Variants in KLF3 observed in about 807,000 individuals in gnomAD.
The protein encoded by KLF3 is KLF transcription factor 3, also known as Krueppel-like factor 3.
In KLF3, 6 loss-of-function variants were observed where a neutral mutation model predicts 32.7. The observed-to-expected ratio is 0.18, with a 90% CI of 0.10 to 0.36. The LOEUF is 0.36. Among genes scored for constraint, KLF3 ranks in the 10% least tolerant of loss-of-function variants. KLF3 has a pLI of 1.00. For missense variants in KLF3, 338 were observed against 449.7 expected (o/e 0.75, Z 2.25); for synonymous variants, 145 against 172.8 (o/e 0.84, Z 1.26).
Position 38,698,246 on chromosome 4 carries a change from C to G in KLF3, c.*983C>G. 6.6e-6 allele frequency: 1 copy of G among 152,436 alleles called. No individual in the cohort carries two copies. The highest frequency in any genetic ancestry group is 1.9e-4 in the East Asian group (1 of 5,196). 9.4% of individuals were successfully genotyped at this position (152,436 alleles called of 1,614,324 possible). ...TATTTGCCCAGTAATGGTAAGAAAT[C>G]TTTCGGGTAAGAGTATGGATGGTTC... On this transcript the variant is annotated 3_prime_UTR_variant, in exon 6 of 6. Coordinates refer to ENST00000261438, the MANE Select transcript of KLF3 (RefSeq NM_016531.6).
At position 38,700,443 on chromosome 4, in the gene KLF3, T is replaced by C. The variant is rs906649371; in HGVS notation, c.*3180T>C. The C allele has an allele frequency of 6.6e-6, 1 of 152,234 alleles. No individual in the cohort carries two copies. The allele number at this position is 152,234 out of a possible 1,614,324, so 9.4% of individuals were successfully genotyped here. On this transcript the variant is annotated 3_prime_UTR_variant, in exon 6 of 6. Coordinates refer to ENST00000261438, the MANE Select transcript of KLF3 (RefSeq NM_016531.6). ...TTGGTTTGAAAATATACAGTTGTCT[T>C]GAAGGAATTGCTGTCATACATGAAG... is the stretch of plus-strand genomic sequence containing the variant.
chr4:38,665,766 A>T (rs1722014911), intron 1 of KLF3, among the ~76,000 whole-genome samples: 1 of 152,242 alleles, frequency 6.6e-6, no homozygotes, highest in Non-Finnish European at 1.5e-5. Flanking sequence ...GTTGTTCATT[A>T]TAGGTTTTTC....
Position 38,674,805 on chromosome 4 carries a change from A to G in KLF3, c.-39-5782A>G, listed in dbSNP as rs1282867321. ...AAACAGGAAACTGCTCCTGATACGT[A>G]CACATTCTCTCTCCACCTTCCTCCT... On this transcript the variant is annotated intron_variant, in intron 1 of 5. Transcript: ENST00000261438. This position sits in a 1 kb window ranked among gnomAD's most constrained non-coding sequence, Gnocchi z 4.1. Among the ~76,000 whole-genome samples, 7 of 152,178 alleles carry G rather than the reference A, an allele frequency of 4.6e-5. No homozygotes were observed. Among genetic ancestry groups the G allele is most frequent in the Admixed American group, 4.6e-4 (7 of 15,280 alleles).
chr4:38,686,728 A>G (rs934509650), intron 2 of KLF3, among the ~76,000 whole-genome samples: 2 of 152,168 alleles, frequency 1.3e-5, no homozygotes, highest in Non-Finnish European at 2.9e-5. Context: ...CCAGGATGGC[A>G]TGTGTATAAG....
intron 1 of KLF3, among the ~76,000 whole-genome samples, chr4:38,670,628 G>A (rs867688791): frequency 2.6e-5 from 4 of 152,232 alleles, no homozygotes; most frequent in Middle Eastern, 3.4e-3. Flanking sequence ...TTGTAAGATC[G>A]AGTTCCTGTT....
Position 38,701,341 on chromosome 4 carries a change from G to T in KLF3, c.*4078G>T, listed in dbSNP as rs988237798. On this transcript the variant is annotated 3_prime_UTR_variant, in exon 6 of 6. Coordinates refer to ENST00000261438, the MANE Select transcript of KLF3 (RefSeq NM_016531.6). ...CATTCTTGAAATACTTCTTGTATTT[G>T]TTATTTATGAACCCCTGCCTGCTTC... Among the ~76,000 whole-genome samples the T allele has an allele frequency of 6.6e-5, 10 of 151,818 alleles. No homozygotes were observed. Among genetic ancestry groups the T allele is most frequent in the African/African-American group, 2.4e-4 (10 of 41,390 alleles).
Position 38,697,496 on chromosome 4 carries a change from T to G in KLF3, c.*233T>G. The G allele has an allele frequency of 2.5e-6, 1 of 406,464 alleles. No individual in the cohort carries two copies. Among genetic ancestry groups the G allele is most frequent in the Non-Finnish European group, 4.4e-6 (1 of 228,800 alleles). The allele number at this position is 406,464 out of a possible 1,614,324, so 25.2% of individuals were successfully genotyped here. On this transcript the variant is annotated 3_prime_UTR_variant, in exon 6 of 6. Transcript: ENST00000261438. The stretch of plus-strand genomic sequence containing the variant: ...AGAATGTGAACACTTTTTTTTTTTT[T>G]TCTGGGGATGCTAAGCAAACCCTTC...
chr4:38,678,302 C>G (rs1207271271), intron 1 of KLF3, among the ~76,000 whole-genome samples: 3 of 152,122 alleles, frequency 2.0e-5, no homozygotes, highest in East Asian at 1.9e-4. Context: ...TTCTTAGAAC[C>G]ATGTTCATCC....
At position 38,664,252 on chromosome 4, in the gene KLF3, G is replaced by A. The variant is rs1344082653; in HGVS notation, c.-249G>A. On this transcript the variant is annotated 5_prime_UTR_variant, in exon 1 of 6. Transcript: ENST00000261438. ...TGCCCGGAGTTGGTGCCAGGAGCCA[G>A]AGGGGAGCCAGGAGCGGAGCCGCGC... 2 of 152,088 alleles carry A rather than the reference G, an allele frequency of 1.3e-5. No individual in the cohort carries two copies. Among genetic ancestry groups the A allele is most frequent in the Non-Finnish European group, 2.9e-5 (2 of 68,150 alleles). 9.4% of individuals were successfully genotyped at this position (152,088 alleles called of 1,614,324 possible).
At chr4:38,670,731 G>A (rs1722175414) in intron 1 of KLF3, among the ~76,000 whole-genome samples, 1 of 152,238 alleles carries the variant, frequency 6.6e-6, no homozygotes, top group South Asian at 2.1e-4. Context: ...TTTCAGGCTG[G>A]CTTCACCAGC....
In KLF3 at chr4:38,694,736, G is replaced by T; in HGVS notation, c.696-10G>T. ...TCTCAACATTTGGCCTGTAACCTTG[G>T]CTTTCACAGGAATCACCCTTCGGTC... On this transcript the variant is annotated splice_polypyrimidine_tract_variant and intron_variant, in intron 4 of 5. Coordinates refer to ENST00000261438, the MANE Select transcript of KLF3 (RefSeq NM_016531.6). The T allele has an allele frequency of 6.5e-7, 1 of 1,543,538 alleles. No homozygotes were observed. The highest frequency in any genetic ancestry group is 2.4e-5 in the East Asian group (1 of 40,914).
At position 38,688,635 on chromosome 4, in the gene KLF3, C is replaced by T. The variant is rs377003626; in HGVS notation, c.108C>T (p.Val36=). The change falls in exon 3 of 6, where the codon GTC becomes GTT. Residue 36 remains valine, a synonymous_variant. Transcript: ENST00000261438. The surrounding 1 kb of genome is among the most constrained non-coding windows in gnomAD (Gnocchi z 4.9). The part of the protein sequence containing the change: ...MESMKPNKYG[V]IYSTPLPEKF... Reference sequence around the variant, plus strand: ...CCATGAAGCCTAACAAGTATGGGGTCATCTACTCCACACCATTGCCTGAGA... The same window carrying T: ...CCATGAAGCCTAACAAGTATGGGGTTATCTACTCCACACCATTGCCTGAGA... The T allele has an allele frequency of 8.7e-6, 14 of 1,613,756 alleles. No individual in the cohort carries two copies. In the African/African-American group the frequency reaches 1.6e-4, roughly 18 times the overall value.
In KLF3 at chr4:38,674,552, A is replaced by G. The variant is rs1396976785; in HGVS notation, c.-39-6035A>G. On this transcript the variant is annotated intron_variant, in intron 1 of 5. Coordinates refer to ENST00000261438, the MANE Select transcript of KLF3 (RefSeq NM_016531.6). This position sits in a 1 kb window ranked among gnomAD's most constrained non-coding sequence, Gnocchi z 4.1. ...GAAGAGTTGAAAGGGAGGCTTAGCGATGGTGTGTTAGTGTATTGCTCCGTA... is the reference window on the plus strand; with the variant it reads ...GAAGAGTTGAAAGGGAGGCTTAGCGGTGGTGTGTTAGTGTATTGCTCCGTA... Among the ~76,000 whole-genome samples, 1 of 151,714 alleles carries G rather than the reference A, an allele frequency of 6.6e-6. No individual in the cohort carries two copies. The highest frequency in any genetic ancestry group is 1.5e-5 in the Non-Finnish European group (1 of 67,974).
At position 38,689,797 on chromosome 4, in the gene KLF3, C is replaced by A. The variant is rs143460542; in HGVS notation, c.613C>A (p.Pro205Thr). Residue 205 changes from proline (P) to threonine (T), a missense_variant, in exon 4 of 6, where the codon CCA (proline) becomes ACA (threonine). This residue lies in a region of KLF3 where 272 missense variants were observed against 313.4 expected (regional missense o/e 0.87). Coordinates refer to ENST00000261438, the MANE Select transcript of KLF3 (RefSeq NM_016531.6). ...KKIKIEPGIE[P>T]QRTDYYPEEM... ...AATTAAAATAGAACCTGGGATCGAACCACAGAGGACAGATTATTATCCTGA... is the reference window on the plus strand; with the variant it reads ...AATTAAAATAGAACCTGGGATCGAAACACAGAGGACAGATTATTATCCTGA... 1 of 1,612,650 alleles carries A rather than the reference C, an allele frequency of 6.2e-7. No individual in the cohort carries two copies. Among genetic ancestry groups the A allele is most frequent in the Non-Finnish European group, 8.5e-7 (1 of 1,178,910 alleles).
intron 1 of KLF3, among the ~76,000 whole-genome samples, chr4:38,677,390 A>G (rs772469713): frequency 2.6e-5 from 4 of 152,244 alleles, no homozygotes; most frequent in Non-Finnish European, 4.4e-5. Flanking sequence ...AAAAAGATGT[A>G]GCACATTAAT....
intron 1 of KLF3, among the ~76,000 whole-genome samples, chr4:38,679,204 G>C (rs1560415633): frequency 6.6e-6 from 1 of 152,184 alleles, no homozygotes; most frequent in Non-Finnish European, 1.5e-5. Flanking sequence ...TATGTGAAAA[G>C]TGCTTAGAAA....
intron 1 of KLF3, among the ~76,000 whole-genome samples, chr4:38,678,557 A>T (rs557896916): frequency 6.6e-6 from 1 of 152,226 alleles, no homozygotes; most frequent in South Asian, 2.1e-4. Flanking sequence ...CGAGTTATTG[A>T]TGAAATTCGT....
intron 1 of KLF3, among the ~76,000 whole-genome samples, chr4:38,673,423 AGAG>A (rs1722257106): frequency 6.6e-6 from 1 of 152,220 alleles, no homozygotes; most frequent in African/African-American, 2.4e-5. Context: ...AACACTTCAT[AGAG>A]GAGAATTGTG....
intron 4 of KLF3, among the ~76,000 whole-genome samples, chr4:38,692,701 AT>A (rs1308220319): frequency 6.6e-6 from 1 of 152,168 alleles, no homozygotes; most frequent in African/African-American, 2.4e-5. Flanking sequence ...TATGTGTAAA[AT>A]AAACAACTGG....
Sources: gnomAD v4.1 joint callset for allele counts (sites outside exome capture counted in the v4.1 genomes callset) on GRCh38, gnomAD v4.1.1 for gene constraint, gnomAD v4.1.1 regional missense constraint, Gnocchi (gnomAD v3.1) non-coding constraint, MANE v1.5 for transcripts, NCBI Gene and HGNC (gene_info 2026-07-23, HGNC 2026-07-21) for gene names.